Variants in TMEM87A observed in about 807,000 individuals in gnomAD.
TMEM87A encodes the protein Golgi-pH regulating cation channel.
A neutral mutation model predicts 90.0 loss-of-function variants in TMEM87A; 50 were observed. The ratio of observed to expected loss-of-function variants is 0.56; its 90% CI spans 0.44 to 0.70. The LOEUF (loss-of-function observed/expected upper bound fraction) is 0.70, where lower values mean the gene tolerates loss of function less well. Among genes scored for constraint, TMEM87A ranks in the 30% least tolerant of loss-of-function variants. The probability of loss-of-function intolerance (pLI) is 0.00; values close to 1 mark genes in which losing one functional copy is unlikely to be tolerated. For missense variants in TMEM87A, 577 were observed against 660.5 expected (o/e 0.87, Z 1.39); for synonymous variants, 226 against 226.7 (o/e 1.00, Z 0.03).
At chr15:42,213,510 G>A (rs1233591011) in intron 19 of TMEM87A, among the ~76,000 whole-genome samples, 1 of 152,200 alleles carries the variant, frequency 6.6e-6, no homozygotes, top group East Asian at 1.9e-4. Flanking sequence ...GCACAGATGG[G>A]ACCAGTATAT....
At chr15:42,262,405 T>C (rs1328206437) in intron 4 of TMEM87A, among the ~76,000 whole-genome samples, 3 of 151,574 alleles carry the variant, frequency 2.0e-5, no homozygotes, top group Non-Finnish European at 4.4e-5. Context: ...CTTCCTTCAA[T>C]TACCAATTAA....
chr15:42,220,556 TAAGTA>T (rs2050460054), intron 15 of TMEM87A, among the ~76,000 whole-genome samples: 1 of 152,244 alleles, frequency 6.6e-6, no homozygotes, highest in Admixed American at 6.5e-5. Flanking sequence ...CAAATAGAGT[TAAGTA>T]AATTCTCATC....
intron 1 of TMEM87A, chr15:42,272,687 T>C (rs1011424204): frequency 2.5e-5 from 8 of 319,018 alleles, no homozygotes; most frequent in African/African-American, 1.5e-4. Context: ...ACATTAAATT[T>C]TAAGTACTAT....
At chr15:42,227,993 A>G (rs1470609037) in intron 13 of TMEM87A, among the ~76,000 whole-genome samples, 1 of 152,252 alleles carries the variant, frequency 6.6e-6, no homozygotes, top group African/African-American at 2.4e-5. Flanking sequence ...CTATTTAAAG[A>G]ATAATTTGGT....
chr15:42,270,285 G>A (rs2051493756), intron 2 of TMEM87A, among the ~76,000 whole-genome samples: 2 of 152,084 alleles, frequency 1.3e-5, no homozygotes, highest in African/African-American at 2.4e-5. Flanking sequence ...CAGAAGAATC[G>A]CTTGAACCCA....
At chr15:42,236,174 A>C in intron 10 of TMEM87A, 146 bp downstream of exon 10, 1 of 704,382 alleles carries the variant, frequency 1.4e-6, no homozygotes, top group Non-Finnish European at 2.4e-6. Flanking sequence ...AACATTTACA[A>C]TGCTACAAAA....
intron 6 of TMEM87A, among the ~76,000 whole-genome samples, chr15:42,247,091 T>G (rs1297553503): frequency 2.6e-5 from 4 of 152,256 alleles, no homozygotes; most frequent in Admixed American, 2.0e-4. Flanking sequence ...CATAAACGTC[T>G]TCTTCTGAAA....
At chr15:42,266,682 T>C (rs570209105) in intron 3 of TMEM87A, among the ~76,000 whole-genome samples, 1 of 152,282 alleles carries the variant, frequency 6.6e-6, no homozygotes, top group South Asian at 2.1e-4. Context: ...TGGCAGTTTT[T>C]AAAAATGCCA....
intron 2 of TMEM87A, among the ~76,000 whole-genome samples, chr15:42,269,929 C>T (rs530655380): frequency 3.2e-5 from 3 of 94,586 alleles, no homozygotes; most frequent in East Asian, 6.6e-4. Context: ...GGCGACAGAG[C>T]GAGACTCCGT....
chr15:42,243,481 T>C (rs2050912044), intron 7 of TMEM87A, among the ~76,000 whole-genome samples: 3 of 151,134 alleles, frequency 2.0e-5, no homozygotes, highest in Admixed American at 1.3e-4. Flanking sequence ...ACTTAAATTC[T>C]TGAGACATTA....
intron 4 of TMEM87A, 48 bp downstream of exon 4, chr15:42,264,042 T>C: frequency 6.9e-7 from 1 of 1,454,460 alleles, no homozygotes; most frequent in Non-Finnish European, 9.6e-7. Context: ...ATATATACAT[T>C]CCAATTTTTG....
chr15:42,212,429 T>C (rs141298902), intron 19 of TMEM87A, among the ~76,000 whole-genome samples: 50 of 152,330 alleles, frequency 3.3e-4, no homozygotes, highest in Admixed American at 9.8e-4. Context: ...AGATAATCTA[T>C]AGATGTTTCC....
intron 4 of TMEM87A, chr15:42,262,058 C>T (rs2051305365): frequency 6.6e-6 from 1 of 152,178 alleles, no homozygotes; most frequent in African/African-American, 2.4e-5. Flanking sequence ...ATTGTCCTTC[C>T]TGAGTAATGA....
intron 19 of TMEM87A, among the ~76,000 whole-genome samples, chr15:42,214,390 G>T (rs1478579574): frequency 6.6e-6 from 1 of 152,144 alleles, no homozygotes; most frequent in Admixed American, 6.6e-5. Flanking sequence ...GAAGAGAAAC[G>T]ACAGGCCAAT....
chr15:42,216,752 G>A (rs548856250), intron 19 of TMEM87A, among the ~76,000 whole-genome samples: 2 of 152,240 alleles, frequency 1.3e-5, no homozygotes, highest in South Asian at 2.1e-4. Flanking sequence ...TGTACATGCT[G>A]TGTCAAAGAT....
intron 7 of TMEM87A, among the ~76,000 whole-genome samples, chr15:42,242,967 G>C (rs999677861): frequency 4.6e-5 from 7 of 152,092 alleles, no homozygotes; most frequent in Non-Finnish European, 1.0e-4. Context: ...TTCTGCTTAA[G>C]AAAGCAGGGT....
intron 6 of TMEM87A, among the ~76,000 whole-genome samples, chr15:42,246,214 A>AT (rs1418414634): frequency 4.0e-5 from 6 of 151,690 alleles, no homozygotes; most frequent in African/African-American, 1.2e-4. Flanking sequence ...AGCTTCATTT[A>AT]TTTTTTTCTT....
chr15:42,262,166 A>G (rs561474495), intron 4 of TMEM87A: 4 of 152,220 alleles, frequency 2.6e-5, no homozygotes, highest in Non-Finnish European at 5.9e-5. Flanking sequence ...ATCTAAAAGT[A>G]GTCAGCCTCC....
chr15:42,224,133 C>G (rs2050546551), intron 15 of TMEM87A, among the ~76,000 whole-genome samples: 1 of 152,126 alleles, frequency 6.6e-6, no homozygotes, highest in African/African-American at 2.4e-5. Flanking sequence ...GACAGTGTAA[C>G]AGTATGGTTT....
Sources: gnomAD v4.1 joint callset for allele counts (sites outside exome capture counted in the v4.1 genomes callset) on GRCh38, gnomAD v4.1.1 for gene constraint, MANE v1.5 for transcripts, NCBI Gene and HGNC (gene_info 2026-07-23, HGNC 2026-07-21) for gene names.